Variants in CNTNAP2 observed in about 807,000 individuals in gnomAD.
CNTNAP2 encodes the protein contactin-associated protein-like 2.
In CNTNAP2, 98 loss-of-function variants were observed where a neutral mutation model predicts 155.2. The observed-to-expected ratio is 0.63, with a 90% CI of 0.54 to 0.75. The LOEUF (loss-of-function observed/expected upper bound fraction) is 0.75, where lower values mean the gene tolerates loss of function less well. Ranked by LOEUF, CNTNAP2 falls within the 30% of genes least tolerant of loss-of-function variation. The pLI is 0.00. For missense variants in CNTNAP2, 1,727 were observed against 1,688.1 expected, an observed-to-expected ratio of 1.02 and a Z score of -0.40; for synonymous variants, 651 against 631.2, an observed-to-expected ratio of 1.03 and a Z score of -0.47.
intron 13 of CNTNAP2, among the ~76,000 whole-genome samples, chr7:147,712,568 A>G (rs1796415034): frequency 6.6e-6 from 1 of 152,200 alleles, no homozygotes; most frequent in South Asian, 2.1e-4. Flanking sequence ...ACGCAGCCAT[A>G]AAAAGGATGA....
rs77937260 is a variant in CNTNAP2 at position 147,192,659 on chromosome 7, C to T, written c.1348+60150C>T. ...GGTACTGCAGCCCTGGGTTTCCCTT[C>T]TACTTTCCTTCTTCCCTGAACTGTC... On this transcript the variant is annotated intron_variant, in intron 8 of 23. Transcript: ENST00000361727. Among the ~76,000 whole-genome samples, 510 of 152,290 alleles carry T rather than the reference C, an allele frequency of 3.3e-3. 4 individuals are homozygous for T. Among genetic ancestry groups the T allele is most frequent in the African/African-American group, 0.011 (462 of 41,550 alleles).
chr7:148,094,431 G>A (rs1803919213), intron 15 of CNTNAP2, among the ~76,000 whole-genome samples: 1 of 152,136 alleles, frequency 6.6e-6, no homozygotes, highest in Non-Finnish European at 1.5e-5. Context: ...CCTTGCAGAT[G>A]GGGGGCAAAT....
intron 12 of CNTNAP2, among the ~76,000 whole-genome samples, chr7:147,617,055 T>A (rs1279354165): frequency 6.6e-6 from 1 of 152,156 alleles, no homozygotes; most frequent in African/African-American, 2.4e-5. Context: ...CTCATCCAGA[T>A]CCTTTATTTC....
intron 13 of CNTNAP2, among the ~76,000 whole-genome samples, chr7:147,813,866 A>G (rs1186317828): frequency 6.6e-6 from 1 of 152,072 alleles, no homozygotes; most frequent in African/African-American, 2.4e-5. Flanking sequence ...TTATTAATTC[A>G]CCCTCTCTTC....
intron 10 of CNTNAP2, among the ~76,000 whole-genome samples, chr7:147,431,591 T>C (rs1797467460): frequency 6.6e-6 from 1 of 152,162 alleles, no homozygotes; most frequent in Non-Finnish European, 1.5e-5. Context: ...GGCTTTCACC[T>C]CCATCACTCA....
chr7:146,747,977 A>G (rs376995372), intron 1 of CNTNAP2, among the ~76,000 whole-genome samples: 1 of 151,990 alleles, frequency 6.6e-6, no homozygotes, highest in African/African-American at 2.4e-5. Flanking sequence ...AATGAACACA[A>G]TGTACAAAAT....
chr7:147,715,210 A>T (rs2117020807), intron 13 of CNTNAP2, among the ~76,000 whole-genome samples: 1 of 152,238 alleles, frequency 6.6e-6, no homozygotes, highest in East Asian at 1.9e-4. Context: ...TAATTCCTGG[A>T]TCACATAGTA....
chr7:146,650,195 G>A (rs7458498), intron 1 of CNTNAP2, among the ~76,000 whole-genome samples: 72,236 of 151,868 alleles, frequency 0.48, 17,917 homozygotes, highest in South Asian at 0.57. Flanking sequence ...CCATTACTGG[G>A]TATATACCCA....
chr7:146,153,869 A>G (rs181139425), intron 1 of CNTNAP2, among the ~76,000 whole-genome samples: 2 of 124,482 alleles, frequency 1.6e-5, no homozygotes, highest in East Asian at 4.3e-4. Flanking sequence ...TACATTTTCT[A>G]TGTCTAAAGG....
chr7:146,401,891 G>T (rs1455724117), intron 1 of CNTNAP2, among the ~76,000 whole-genome samples: 10 of 152,064 alleles, frequency 6.6e-5, no homozygotes, highest in African/African-American at 2.2e-4. Context: ...TTATGCAAAA[G>T]AAATTTCATA....
intron 11 of CNTNAP2, among the ~76,000 whole-genome samples, chr7:147,494,365 G>T (rs550920612): frequency 1.3e-5 from 2 of 149,440 alleles, no homozygotes; most frequent in South Asian, 2.1e-4. Flanking sequence ...TTCTTGCTTC[G>T]GAATGATGAC....
rs542553810 is a variant in CNTNAP2, at chr7:147,359,555, A to G, written c.1499-36054A>G. On this transcript the variant is annotated intron_variant, in intron 9 of 23. Transcript: ENST00000361727. ...TCCTTGAATCAGCCTTTAAAGTCCTATACAACAGGTCCTTGGAATGTTTCT... is the reference window on the plus strand; with the variant it reads ...TCCTTGAATCAGCCTTTAAAGTCCTGTACAACAGGTCCTTGGAATGTTTCT... Among the ~76,000 whole-genome samples the G allele has an allele frequency of 2.0e-5, 3 of 152,264 alleles. No homozygotes were observed. The East Asian group carries it at 5.8e-4, about 29-fold the overall frequency.
chr7:147,677,273 T>A (rs1210169603), intron 13 of CNTNAP2, among the ~76,000 whole-genome samples: 1 of 151,938 alleles, frequency 6.6e-6, no homozygotes, highest in Non-Finnish European at 1.5e-5. Context: ...GTTGAGCATT[T>A]TTTCATATAG....
intron 14 of CNTNAP2, among the ~76,000 whole-genome samples, chr7:147,942,379 A>C (rs1404143142): frequency 6.6e-6 from 1 of 152,246 alleles, no homozygotes; most frequent in African/African-American, 2.4e-5. Flanking sequence ...ACAGCAAATC[A>C]AAAACAAACA....
chr7:146,386,334 T>C (rs1306301258), intron 1 of CNTNAP2, among the ~76,000 whole-genome samples: 2 of 152,210 alleles, frequency 1.3e-5, no homozygotes, highest in Non-Finnish European at 2.9e-5. Context: ...TGTTTAAAAT[T>C]AAATCACTTG....
At chr7:146,451,595 C>T (rs915883720) in intron 1 of CNTNAP2, among the ~76,000 whole-genome samples, 3 of 152,006 alleles carry the variant, frequency 2.0e-5, no homozygotes, top group African/African-American at 4.8e-5. Context: ...TTTTTAACAA[C>T]GGGCCCTACG....
At chr7:147,970,803 A>G (rs1801318874) in intron 14 of CNTNAP2, among the ~76,000 whole-genome samples, 1 of 152,224 alleles carries the variant, frequency 6.6e-6, no homozygotes, top group Admixed American at 6.5e-5. Context: ...TGATTGAGAC[A>G]CAGTCCCTAA....
intron 1 of CNTNAP2, among the ~76,000 whole-genome samples, chr7:146,510,990 G>A (rs962167896): frequency 6.6e-6 from 1 of 151,936 alleles, no homozygotes; most frequent in Non-Finnish European, 1.5e-5. Context: ...TCCACCTCCC[G>A]GGTTCACACC....
intron 6 of CNTNAP2, chr7:147,122,513 G>A (rs539460314): frequency 6.6e-6 from 1 of 152,314 alleles, no homozygotes; most frequent in African/African-American, 2.4e-5. Flanking sequence ...GAGTGCTATT[G>A]CACTGTACGA....
Sources: gnomAD v4.1 joint callset for allele counts (sites outside exome capture counted in the v4.1 genomes callset) on GRCh38, gnomAD v4.1.1 for gene constraint, MANE v1.5 for transcripts, NCBI Gene and HGNC (gene_info 2026-07-23, HGNC 2026-07-21) for gene names.